Variants in SPAG1 observed in about 807,000 individuals in gnomAD.
SPAG1 encodes sperm-associated antigen 1.
SPAG1 carries 69 observed loss-of-function variants against 100.5 expected under a neutral mutation model. The observed-to-expected ratio is 0.69, with a 90% CI of 0.57 to 0.84. The LOEUF (loss-of-function observed/expected upper bound fraction) is 0.84. Ranked by LOEUF, SPAG1 falls within the 40% of genes least tolerant of loss-of-function variation. SPAG1 has a pLI of 0.00. For missense variants in SPAG1, 955 were observed against 1,133.1 expected, an observed-to-expected ratio of 0.84 and a Z score of 2.26; for synonymous variants, 336 against 411.6, an observed-to-expected ratio of 0.82 and a Z score of 2.22.
intron 12 of SPAG1, among the ~76,000 whole-genome samples, chr8:100,218,064 A>G (rs980300566): frequency 6.6e-6 from 1 of 152,140 alleles, no homozygotes; most frequent in Non-Finnish European, 1.5e-5. Context: ...CTGGGATTAC[A>G]TACAGGCTTG....
chr8:100,237,174 G>C (rs908060294), intron 16 of SPAG1, among the ~76,000 whole-genome samples: 3 of 152,158 alleles, frequency 2.0e-5, no homozygotes, highest in Non-Finnish European at 2.9e-5. Context: ...TCCACCTCCA[G>C]AGTTCAAGCA....
rs781594359 is a variant in SPAG1, at chr8:100,233,427, A to C, written c.2005A>C (p.Lys669Gln). 46 of 1,613,966 alleles carry C rather than the reference A, an allele frequency of 2.9e-5. 1 individual carries two copies. The South Asian group carries it at 2.9e-4, about 10-fold the overall frequency. Residue 669 changes from lysine to glutamine, a missense_variant, in exon 16 of 19, where the codon AAG becomes CAG. Coordinates refer to ENST00000388798, the MANE Select transcript of SPAG1 (RefSeq NM_003114.5). The stretch of plus-strand genomic sequence containing the variant: ...TTATGCCAGAGCTCTCTGTTACTTG[A>C]AGCTGTGCCAGTTTGAAGAAGCAAA... Reference protein sequence around the residue: ...IYTNRALCYLKLCQFEEAKQD... With the variant: ...IYTNRALCYLQLCQFEEAKQD...
At chr8:100,170,083 T>C (rs1370775453) in intron 3 of SPAG1, among the ~76,000 whole-genome samples, 1 of 152,186 alleles carries the variant, frequency 6.6e-6, no homozygotes, top group Non-Finnish European at 1.5e-5. Context: ...ACAAAATAAC[T>C]TGCTTGTGTT....
intron 10 of SPAG1, among the ~76,000 whole-genome samples, chr8:100,195,521 G>A (rs970169587): frequency 3.3e-5 from 5 of 152,054 alleles, no homozygotes; most frequent in Non-Finnish European, 7.4e-5. Context: ...TGAGAAGGAA[G>A]AGAGAACATA....
chr8:100,168,198 G>C (rs1184564102), intron 3 of SPAG1, among the ~76,000 whole-genome samples: 1 of 152,142 alleles, frequency 6.6e-6, no homozygotes, highest in East Asian at 1.9e-4. Context: ...ATTTCCACCT[G>C]CTTTACATCC....
At chr8:100,188,813 G>A (rs1373239501) in intron 8 of SPAG1, among the ~76,000 whole-genome samples, 1 of 152,190 alleles carries the variant, frequency 6.6e-6, no homozygotes, top group Non-Finnish European at 1.5e-5. Context: ...GGAGTGCTAA[G>A]GGGAAGCCTG....
intron 10 of SPAG1, among the ~76,000 whole-genome samples, chr8:100,200,662 C>T (rs1817237666): frequency 6.6e-6 from 1 of 152,206 alleles, no homozygotes; most frequent in Non-Finnish European, 1.5e-5. Context: ...GATGGTATCT[C>T]ATTGTGGTTT....
chr8:100,158,794 G>A (rs1490765304), intron 1 of SPAG1, 178 bp downstream of exon 1: 1 of 152,036 alleles, frequency 6.6e-6, no homozygotes, highest in African/African-American at 2.4e-5. Context: ...ACATTCAGTA[G>A]TCTTGAGAAG....
intron 2 of SPAG1, 113 bp from the exon 3 acceptor site, chr8:100,165,701 C>T: frequency 2.8e-6 from 2 of 721,536 alleles, no homozygotes; most frequent in South Asian, 2.0e-5. Flanking sequence ...TGGGAAGCAG[C>T]CCTTGAGATC....
chr8:100,194,882 G>A (rs778245724), intron 10 of SPAG1, among the ~76,000 whole-genome samples: 9 of 152,096 alleles, frequency 5.9e-5, no homozygotes, highest in Middle Eastern at 3.4e-3. Flanking sequence ...TTTTCCCTCC[G>A]TCAGCTGGGC....
At chr8:100,200,583 T>C (rs1366360161) in intron 10 of SPAG1, among the ~76,000 whole-genome samples, 3 of 152,258 alleles carry the variant, frequency 2.0e-5, no homozygotes, top group Non-Finnish European at 4.4e-5. Flanking sequence ...AGCGTTTCTA[T>C]TTCTCCACAT....
chr8:100,193,723 C>T (rs1816908650), intron 9 of SPAG1, among the ~76,000 whole-genome samples: 2 of 151,996 alleles, frequency 1.3e-5, no homozygotes, highest in Non-Finnish European at 2.9e-5. Context: ...TGAGACTAGA[C>T]TGGGCAACAT....
chr8:100,206,948 T>A (rs1817539998), intron 10 of SPAG1, among the ~76,000 whole-genome samples: 1 of 152,190 alleles, frequency 6.6e-6, no homozygotes, highest in Non-Finnish European at 1.5e-5. Context: ...GCTTGAGGTG[T>A]CAGTGGCAGA....
rs888363776 is a variant in SPAG1 at position 100,239,970 on chromosome 8, T to G, written c.2281-433T>G. On this transcript the variant is annotated intron_variant, in intron 17 of 18. Transcript: ENST00000388798. The surrounding 1 kb of genome is among the most constrained non-coding windows in gnomAD (Gnocchi z 5.0). Reference sequence around the variant, plus strand: ...TTCATGAATGCTAATACCCCATTTATAGTCTCACATTTCCACTAAGAGTAA... The same window carrying G: ...TTCATGAATGCTAATACCCCATTTAGAGTCTCACATTTCCACTAAGAGTAA... Among the ~76,000 whole-genome samples the G allele has an allele frequency of 6.6e-6, 1 of 152,210 alleles. No individual in the cohort carries two copies. The highest frequency in any genetic ancestry group is 2.4e-5 in the African/African-American group (1 of 41,448).
Position 100,194,230 on chromosome 8 carries a change from A to AG in SPAG1, c.1058_1059insG (p.Ser354LysfsTer6). 6.2e-7 allele frequency: 1 copy of AG among 1,604,298 alleles called. No individual in the cohort carries two copies. Among genetic ancestry groups the AG allele is most frequent in the Non-Finnish European group, 8.5e-7 (1 of 1,173,304 alleles). On this transcript the variant is annotated frameshift_variant, in exon 10 of 19. Coordinates refer to ENST00000388798, the MANE Select transcript of SPAG1 (RefSeq NM_003114.5). LOFTEE classifies it high-confidence loss of function. ...GAAAACTCCGAAGATGAAGAAGGAAAAAGCGGAAGAAAACATGAAGATGGC... is the reference window on the plus strand; with the variant it reads ...GAAAACTCCGAAGATGAAGAAGGAAAGAAGCGGAAGAAAACATGAAGATGGC...
chr8:100,228,903 TGTAA>T (rs1384128656), intron 14 of SPAG1, among the ~76,000 whole-genome samples: 2 of 152,176 alleles, frequency 1.3e-5, no homozygotes, highest in African/African-American at 2.4e-5. Flanking sequence ...AAAACTTGGT[TGTAA>T]GTAACAGAAA....
intron 4 of SPAG1, 63 bp downstream of exon 4, chr8:100,178,004 G>A (rs899081634): frequency 6.3e-6 from 9 of 1,429,408 alleles, no homozygotes; most frequent in Non-Finnish European, 8.7e-6. Context: ...TTATTAAGGG[G>A]CAATCTCAGT....
chr8:100,227,471 G>T (rs1239769784), intron 14 of SPAG1, among the ~76,000 whole-genome samples: 1 of 152,162 alleles, frequency 6.6e-6, no homozygotes, highest in East Asian at 1.9e-4. Context: ...AGAAAGAGCA[G>T]ACAGGGAATA....
At chr8:100,218,661 A>G (rs1164104435) in intron 12 of SPAG1, among the ~76,000 whole-genome samples, 3 of 152,268 alleles carry the variant, frequency 2.0e-5, no homozygotes, top group African/African-American at 7.2e-5. Flanking sequence ...CTAGCACAGC[A>G]CAAAGACTAT....
Sources: gnomAD v4.1 joint callset for allele counts (sites outside exome capture counted in the v4.1 genomes callset) on GRCh38, gnomAD v4.1.1 for gene constraint, Gnocchi (gnomAD v3.1) non-coding constraint, MANE v1.5 for transcripts, NCBI Gene and HGNC (gene_info 2026-07-23, HGNC 2026-07-21) for gene names.